The following ANK3 variants were observed in gnomAD, a reference collection of about 807,000 sequenced individuals.
ANK3 encodes the protein ankyrin 3.
Under a neutral mutation model 370.9 loss-of-function variants are expected in ANK3, and 57 were observed. The ratio of observed to expected loss-of-function variants is 0.15; its 90% CI spans 0.12 to 0.19. The LOEUF is 0.19. Among genes scored for constraint, ANK3 ranks in the 10% least tolerant of loss-of-function variants. The probability of loss-of-function intolerance (pLI) is 1.00; values close to 1 mark genes in which losing one functional copy is unlikely to be tolerated. For missense variants in ANK3, 4,439 were observed against 5,302.1 expected (o/e 0.84, Z 5.06); for synonymous variants, 1,929 against 1,946.3 (o/e 0.99, Z 0.23).
intron 1 of ANK3, among the ~76,000 whole-genome samples, chr10:60,714,523 A>T (rs2079754858): frequency 6.6e-6 from 1 of 152,200 alleles, no homozygotes. Flanking sequence ...TATAAAAATA[A>T]TCGTACATCT....
chr10:60,212,576 C>T (rs2096873982), intron 9 of ANK3, among the ~76,000 whole-genome samples: 1 of 152,160 alleles, frequency 6.6e-6, no homozygotes, highest in African/African-American at 2.4e-5. Flanking sequence ...CAACAGCTCA[C>T]CAATCTAAAC....
chr10:60,302,122 A>G (rs914244281), intron 1 of ANK3, among the ~76,000 whole-genome samples: 26 of 152,230 alleles, frequency 1.7e-4, no homozygotes, highest in Non-Finnish European at 1.9e-4. Flanking sequence ...TGAAACTTAT[A>G]TACACCAGCA....
Position 60,166,633 on chromosome 10 carries a change from CA to C in ANK3, c.2571del (p.Glu858LysfsTer19). The C allele has an allele frequency of 6.2e-7, 1 of 1,613,850 alleles. No homozygotes were observed. The highest frequency in any genetic ancestry group is 8.5e-7 in the Non-Finnish European group (1 of 1,179,864). On this transcript the variant is annotated frameshift_variant, in exon 23 of 44. Coordinates refer to ENST00000280772, the MANE Select transcript of ANK3 (RefSeq NM_020987.5). LOFTEE classifies it high-confidence loss of function. ...SDDEVRKANA[P>X]EMLSDGEYIS... The stretch of plus-strand genomic sequence containing the variant: ...ATATATTCGCCATCACTGAGCATTT[CA>C]GGGGCATTGGCTTTACGAACTGCAT...
intron 2 of ANK3, among the ~76,000 whole-genome samples, chr10:60,610,364 T>C (rs756444918): frequency 6.6e-6 from 1 of 151,940 alleles, no homozygotes; most frequent in African/African-American, 2.4e-5. Context: ...ATACCAAAAA[T>C]TAGCTGGGTG....
Position 60,086,852 on chromosome 10 carries a change from C to G in ANK3, c.3573G>C (p.Lys1191Asn). 1 of 1,611,756 alleles carries G rather than the reference C, an allele frequency of 6.2e-7. No homozygotes were observed. Among genetic ancestry groups the G allele is most frequent in the Non-Finnish European group, 8.5e-7 (1 of 1,179,748 alleles). ...AQPVPDEIVK[K>N]ILGNKATFSP... ...TAAAAGTTGCTTTGTTTCCAAGGAT[C>G]TTTTTCACAATTTCATCTGGAACAG... The change falls in exon 30 of 44, where the codon AAG becomes AAC. Residue 1191 changes from lysine (K) to asparagine (N), a missense_variant. By Grantham distance (94) the Lys-to-Asn change is moderately conservative. This residue lies in a region of ANK3 where 702 missense variants were observed against 941.5 expected (regional missense o/e 0.75). Coordinates refer to ENST00000280772, the MANE Select transcript of ANK3 (RefSeq NM_020987.5).
At chr10:60,718,630 TA>T (rs1439025320) in intron 1 of ANK3, among the ~76,000 whole-genome samples, 1 of 152,192 alleles carries the variant, frequency 6.6e-6, no homozygotes, top group Non-Finnish European at 1.5e-5. Context: ...ATGTAATTTC[TA>T]AACAGTAGGA....
chr10:60,224,875 T>C (rs924682166), intron 8 of ANK3, among the ~76,000 whole-genome samples: 4 of 152,082 alleles, frequency 2.6e-5, no homozygotes, highest in East Asian at 3.9e-4. Flanking sequence ...TACAGTCTAA[T>C]AGCTAAGCTC....
At chr10:60,417,962 T>C (rs2063702817) in intron 2 of ANK3, among the ~76,000 whole-genome samples, 1 of 152,188 alleles carries the variant, frequency 6.6e-6, no homozygotes, top group Admixed American at 6.5e-5. Context: ...TTTCTTGAAG[T>C]GAAAACACTT....
chr10:60,681,935 T>C (rs977840163), intron 1 of ANK3, among the ~76,000 whole-genome samples: 1 of 152,112 alleles, frequency 6.6e-6, no homozygotes, highest in African/African-American at 2.4e-5. Context: ...GAGAATCACC[T>C]GAGGCCAGGA....
chr10:60,676,141 AT>A (rs2079122511), intron 1 of ANK3, among the ~76,000 whole-genome samples: 1 of 152,052 alleles, frequency 6.6e-6, no homozygotes, highest in Non-Finnish European at 1.5e-5. Flanking sequence ...AGTCAAAAAA[AT>A]AAGTGAAAAT....
rs545662215 is a variant in ANK3, at chr10:60,182,658, G to A, written c.2086-1231C>T. ...AGGAGGTAATCAAAGGCAGTTTCAGGAAGAGCACAGAGTCTTCTAGATGTG... is the reference window on the plus strand; with the variant it reads ...AGGAGGTAATCAAAGGCAGTTTCAGAAAGAGCACAGAGTCTTCTAGATGTG... On this transcript the variant is annotated intron_variant, in intron 17 of 43. Coordinates refer to ENST00000280772, the MANE Select transcript of ANK3 (RefSeq NM_020987.5). 1.2e-4 allele frequency among the ~76,000 whole-genome samples: 19 copies of A among 152,312 alleles called. No homozygotes were observed. The East Asian group carries it at 3.1e-3, about 25-fold the overall frequency.
intron 2 of ANK3, among the ~76,000 whole-genome samples, chr10:60,427,850 G>C (rs1417331): frequency 6.6e-6 from 1 of 152,128 alleles, no homozygotes; most frequent in East Asian, 1.9e-4. Flanking sequence ...CTAGAACCCA[G>C]ATTTTCTGAC....
At chr10:60,508,132 G>A (rs2075986770) in intron 2 of ANK3, 1 of 152,060 alleles carries the variant, frequency 6.6e-6, no homozygotes, top group Non-Finnish European at 1.5e-5. Context: ...TTTTCTCTAA[G>A]CTACAAAAAC....
At chr10:60,723,943 G>A (rs952689373) in intron 1 of ANK3, among the ~76,000 whole-genome samples, 3 of 151,750 alleles carry the variant, frequency 2.0e-5, no homozygotes, top group Middle Eastern at 3.2e-3. Context: ...GGGCGCGGTG[G>A]CTCACGCCTG....
chr10:60,053,772 A>G (rs1300010994), intron 42 of ANK3: 1 of 1,291,146 alleles, frequency 7.7e-7, no homozygotes, highest in African/African-American at 1.5e-5. Flanking sequence ...CTGAGATCAT[A>G]CATCAGATGA....
intron 36 of ANK3, among the ~76,000 whole-genome samples, chr10:60,079,218 C>T (rs2084579575): frequency 6.8e-6 from 1 of 146,862 alleles, no homozygotes; most frequent in African/African-American, 2.5e-5. Flanking sequence ...CACACACACA[C>T]ACACACACCC....
rs1450736695 is a variant in ANK3 at position 60,240,295 on chromosome 10, T to G, written c.799-5509A>C. On this transcript the variant is annotated intron_variant, in intron 7 of 43. Coordinates refer to ENST00000280772, the MANE Select transcript of ANK3 (RefSeq NM_020987.5). Reference sequence around the variant, plus strand: ...ATACACACACACATATATATATATATATATATATATATTTTTTTTTCTTTT... The same window carrying G: ...ATACACACACACATATATATATATAGATATATATATATTTTTTTTTCTTTT... Among the ~76,000 whole-genome samples, 23 of 103,406 alleles carry G rather than the reference T, an allele frequency of 2.2e-4. 1 individual carries two copies. In the East Asian group the frequency reaches 6.6e-3, roughly 30 times the overall value. 67.8% of individuals were successfully genotyped at this position (103,406 alleles called of 152,430 possible).
chr10:60,065,188 C>T (rs1250304113), intron 38 of ANK3, among the ~76,000 whole-genome samples: 4 of 152,160 alleles, frequency 2.6e-5, no homozygotes, highest in Admixed American at 2.0e-4. Context: ...TCCATCTACT[C>T]GTATACACTC....
chr10:60,503,858 C>T (rs1049257611), intron 2 of ANK3, among the ~76,000 whole-genome samples: 2 of 152,144 alleles, frequency 1.3e-5, no homozygotes, highest in Non-Finnish European at 2.9e-5. Context: ...CTACTGAGAT[C>T]ATCATCTCGG....
Sources: gnomAD v4.1 joint callset for allele counts (sites outside exome capture counted in the v4.1 genomes callset) on GRCh38, gnomAD v4.1.1 for gene constraint, gnomAD v4.1.1 regional missense constraint, MANE v1.5 for transcripts, NCBI Gene and HGNC (gene_info 2026-07-23, HGNC 2026-07-21) for gene names.